MARCHF8: variants seen among roughly 807,000 people sequenced by gnomAD.
MARCHF8 encodes the protein membrane associated ring-CH-type finger 8.
MARCHF8 carries 40 observed loss-of-function variants against 51.6 expected under a neutral mutation model. That is an observed-to-expected ratio of 0.77 (90% confidence interval 0.60 to 1.01). MARCHF8 has a LOEUF of 1.01. Among genes scored for constraint, MARCHF8 ranks in the 50% least tolerant of loss-of-function variants. The pLI is 0.00. For missense variants in MARCHF8, 685 were observed against 708.6 expected (o/e 0.97, Z 0.38); for synonymous variants, 263 against 280.3 (o/e 0.94, Z 0.62).
At chr10:45,589,506 A>G (rs557014762) in intron 1 of MARCHF8, among the ~76,000 whole-genome samples, 7 of 152,224 alleles carry the variant, frequency 4.6e-5, no homozygotes, top group Admixed American at 1.3e-4. Flanking sequence ...AATCAATTTT[A>G]GAATATTTTA....
rs148733245 is a variant in MARCHF8 at position 45,466,754 on chromosome 10, G to T, written c.154-2427C>A. On this transcript the variant is annotated intron_variant, in intron 3 of 7. Coordinates refer to ENST00000453424, the MANE Select transcript of MARCHF8 (RefSeq NM_001282866.2). The stretch of plus-strand genomic sequence containing the variant: ...AATCAAGGTCAGTGTCCTGGGTCCG[G>T]GAGGCAGGTTTCTGATGGGAAATTA... 2.9e-3 allele frequency among the ~76,000 whole-genome samples: 449 copies of T among 152,238 alleles called. 3 individuals carry two copies. The highest frequency in any genetic ancestry group is 0.01 in the Middle Eastern group (3 of 294).
chr10:45,510,544 G>A (rs2133190994), intron 2 of MARCHF8, among the ~76,000 whole-genome samples: 1 of 152,110 alleles, frequency 6.6e-6, no homozygotes, highest in East Asian at 1.9e-4. Context: ...GTCAAGACAG[G>A]AAAATTTATT....
chr10:45,583,101 TAG>T (rs1424802504), intron 1 of MARCHF8, among the ~76,000 whole-genome samples: 120 of 152,340 alleles, frequency 7.9e-4, no homozygotes, highest in African/African-American at 2.9e-3. Context: ...ATAACAAGAA[TAG>T]AGTTTGCCTC....
At chr10:45,482,178 T>C (rs970296690) in intron 3 of MARCHF8, among the ~76,000 whole-genome samples, 31 of 152,114 alleles carry the variant, frequency 2.0e-4, no homozygotes, top group African/African-American at 7.2e-4. Flanking sequence ...CACGAACAAA[T>C]TGAAAGATAT....
At position 45,457,695 on chromosome 10, in the gene MARCHF8, G is replaced by A. The variant is rs983975517; in HGVS notation, c.*544C>T. 1 of 153,248 alleles carries A rather than the reference G, an allele frequency of 6.5e-6. No individual in the cohort carries two copies. The highest frequency in any genetic ancestry group is 2.4e-5 in the African/African-American group (1 of 41,464). The allele number at this position is 153,248 out of a possible 1,614,324, so 9.5% of individuals were successfully genotyped here. Reference sequence around the variant, plus strand: ...TCAGTGAATCATGCGCCACCACAGAGCACCATGGCTCCACCTGCTCAAGAG... The same window carrying A: ...TCAGTGAATCATGCGCCACCACAGAACACCATGGCTCCACCTGCTCAAGAG... On this transcript the variant is annotated 3_prime_UTR_variant, in exon 8 of 8. Coordinates refer to ENST00000453424, the MANE Select transcript of MARCHF8 (RefSeq NM_001282866.2).
At chr10:45,547,455 A>G (rs1038221589) in intron 1 of MARCHF8, among the ~76,000 whole-genome samples, 1 of 152,140 alleles carries the variant, frequency 6.6e-6, no homozygotes, top group East Asian at 1.9e-4. Context: ...GGTGTCAACA[A>G]AAAGTTTTTA....
chr10:45,500,543 A>G (rs1057415492), intron 2 of MARCHF8, among the ~76,000 whole-genome samples: 4 of 152,056 alleles, frequency 2.6e-5, no homozygotes, highest in Non-Finnish European at 5.9e-5. Flanking sequence ...TTCGCCAATG[A>G]CTATAATGTC....
In MARCHF8 at chr10:45,463,533, C is replaced by G. The variant is rs145714792; in HGVS notation, c.706G>C (p.Gly236Arg). 9,993 of 1,550,670 alleles carry G rather than the reference C, an allele frequency of 6.4e-3. 51 individuals are homozygous for G. The highest frequency in any genetic ancestry group is 0.021 in the Middle Eastern group (126 of 5,992). ...STASEVEAGK[G>R]GRPGLLLEEK... The stretch of plus-strand genomic sequence containing the variant: ...TCCAGCAGCAGGCCGGGCCTGCCCC[C>G]CTTGCCAGCTTCCACCTCTGAGGCA... Residue 236 changes from glycine (G) to arginine (R), a missense_variant, in exon 5 of 8, where the codon GGG becomes CGG. Physicochemically the swap from Gly to Arg is moderately radical, Grantham distance 125. Coordinates refer to ENST00000453424, the MANE Select transcript of MARCHF8 (RefSeq NM_001282866.2).
Position 45,457,577 on chromosome 10 carries a change from G to A in MARCHF8, c.*662C>T, listed in dbSNP as rs1295576995. ...TAAAGGAGATACAAAGGTAAGGAAG[G>A]GAAGATTTCTAAGTGAGACTTTTTT... On this transcript the variant is annotated 3_prime_UTR_variant, in exon 8 of 8. Transcript: ENST00000453424. 1 of 152,628 alleles carries A rather than the reference G, an allele frequency of 6.6e-6. No individual in the cohort carries two copies. The highest frequency in any genetic ancestry group is 1.5e-5 in the Non-Finnish European group (1 of 68,038). 9.5% of individuals were successfully genotyped at this position (152,628 alleles called of 1,614,324 possible).
At position 45,464,341 on chromosome 10, in the gene MARCHF8, C is replaced by G. The variant is rs1367458552; in HGVS notation, c.154-14G>C. 1 of 1,613,080 alleles carries G rather than the reference C, an allele frequency of 6.2e-7. No homozygotes were observed. The highest frequency in any genetic ancestry group is 1.3e-5 in the African/African-American group (1 of 75,034). On this transcript the variant is annotated splice_polypyrimidine_tract_variant and intron_variant, in intron 3 of 7. Transcript: ENST00000453424. ...AGGACTCCCAGCCTGCAATGACAGA[C>G]CTGTGGTCAGTGTTCAGGTAAGAGC...
At chr10:45,571,622 GTCC>G (rs1376434469) in intron 1 of MARCHF8, among the ~76,000 whole-genome samples, 1 of 151,312 alleles carries the variant, frequency 6.6e-6, no homozygotes, top group African/African-American at 2.4e-5. Flanking sequence ...TCAATCCCCT[GTCC>G]TCCTGCTCTT....
At chr10:45,513,241 T>G (rs186652466) in intron 2 of MARCHF8, among the ~76,000 whole-genome samples, 30 of 151,898 alleles carry the variant, frequency 2.0e-4, no homozygotes, top group African/African-American at 7.3e-4. Flanking sequence ...ATAAATAAAA[T>G]AAAATAAAAA....
intron 2 of MARCHF8, among the ~76,000 whole-genome samples, chr10:45,522,870 C>T (rs144612907): frequency 5.1e-4 from 77 of 152,290 alleles, no homozygotes; most frequent in African/African-American, 1.6e-3. Flanking sequence ...CATTCCAAGC[C>T]AGGTGTGATG....
intron 1 of MARCHF8, among the ~76,000 whole-genome samples, chr10:45,570,839 C>G (rs182364808): frequency 1.3e-5 from 2 of 152,066 alleles, no homozygotes; most frequent in African/African-American, 4.8e-5. Context: ...AAACGTTTCT[C>G]AATACCAAAA....
intron 2 of MARCHF8, among the ~76,000 whole-genome samples, chr10:45,530,592 G>A (rs1168699307): frequency 6.6e-6 from 1 of 152,050 alleles, no homozygotes; most frequent in Non-Finnish European, 1.5e-5. Context: ...GACCAGCCTG[G>A]GCAATAGCAA....
intron 1 of MARCHF8, among the ~76,000 whole-genome samples, chr10:45,550,091 CAT>C (rs1385101839): frequency 3.9e-5 from 6 of 152,320 alleles, no homozygotes; most frequent in African/African-American, 9.6e-5. Context: ...CAATTTACCA[CAT>C]GTTGTTTTCG....
rs1183542775 is a variant in MARCHF8 at position 45,533,107 on chromosome 10, T to C, written c.102+3A>G. ...GAAACTAAAAAAGATACTCTCCCAG[T>C]ACCTGTTCTTCCCTCTCCTTTTCTT... On this transcript the variant is annotated splice_donor_region_variant and intron_variant, in intron 2 of 7. Coordinates refer to ENST00000453424, the MANE Select transcript of MARCHF8 (RefSeq NM_001282866.2). 1 of 1,601,002 alleles carries C rather than the reference T, an allele frequency of 6.2e-7. No individual in the cohort carries two copies. The highest frequency in any genetic ancestry group is 8.5e-7 in the Non-Finnish European group (1 of 1,175,498).
chr10:45,529,548 G>A (rs1295949862), intron 2 of MARCHF8, among the ~76,000 whole-genome samples: 7 of 152,062 alleles, frequency 4.6e-5, no homozygotes, highest in Non-Finnish European at 8.8e-5. Flanking sequence ...TACAGAACAG[G>A]AGAAAATATC....
chr10:45,553,628 T>C (rs2044219671), intron 1 of MARCHF8, among the ~76,000 whole-genome samples: 1 of 151,872 alleles, frequency 6.6e-6, no homozygotes, highest in Non-Finnish European at 1.5e-5. Context: ...TGTCCATTAA[T>C]ATGGGACTGA....
Sources: allele counts gnomAD v4.1 joint callset (sites outside exome capture counted in the v4.1 genomes callset), GRCh38; gene constraint gnomAD v4.1.1; transcripts MANE v1.5; gene names NCBI Gene and HGNC (gene_info 2026-07-23, HGNC 2026-07-21).